C14orf132: variants seen among roughly 807,000 people sequenced by gnomAD.
The protein encoded by C14orf132 is chromosome 14 open reading frame 132.
In C14orf132, 6 loss-of-function variants were observed where a neutral mutation model predicts 5.8. That is an observed-to-expected ratio of 1.03 (90% CI 0.57 to 2.04). The LOEUF (loss-of-function observed/expected upper bound fraction) is 2.04, where lower values mean the gene tolerates loss of function less well. C14orf132 is among the 30% of genes most tolerant of loss of function. The pLI is 0.00. For synonymous variants in C14orf132, 51 were observed against 49.8 expected, an observed-to-expected ratio of 1.02 and a Z score of -0.10; for missense variants, 125 against 115.8, an observed-to-expected ratio of 1.08 and a Z score of -0.37.
At chr14:96,085,274 T>C (rs938755757) in intron 1 of C14orf132, among the ~76,000 whole-genome samples, 5 of 152,250 alleles carry the variant, frequency 3.3e-5, no homozygotes, top group Non-Finnish European at 5.9e-5. Flanking sequence ...GTGCATCCGA[T>C]GCAGGCCTCA....
chr14:96,048,712 G>A (rs761314566), intron 1 of C14orf132, among the ~76,000 whole-genome samples: 4 of 151,952 alleles, frequency 2.6e-5, no homozygotes, highest in Non-Finnish European at 5.9e-5. Context: ...TTTTAGTGGA[G>A]ATGGGGTTTT....
intron 1 of C14orf132, among the ~76,000 whole-genome samples, chr14:96,056,869 G>A (rs1887198961): frequency 6.6e-6 from 1 of 152,122 alleles, no homozygotes; most frequent in Non-Finnish European, 1.5e-5. Context: ...GCCTCCTTCT[G>A]TGATGTATGG....
At chr14:96,059,450 T>C (rs1166776067) in intron 1 of C14orf132, among the ~76,000 whole-genome samples, 1 of 152,110 alleles carries the variant, frequency 6.6e-6, no homozygotes, top group African/African-American at 2.4e-5. Flanking sequence ...TTCTCATCAT[T>C]CCCATTCTAC....
At chr14:96,078,282 C>A (rs1260217675) in intron 1 of C14orf132, among the ~76,000 whole-genome samples, 1 of 152,210 alleles carries the variant, frequency 6.6e-6, no homozygotes, top group East Asian at 1.9e-4. Flanking sequence ...GAGGCAGGAC[C>A]AGGAGAGAAA....
chr14:96,080,266 C>A (rs942132719), intron 1 of C14orf132, among the ~76,000 whole-genome samples: 2 of 152,184 alleles, frequency 1.3e-5, no homozygotes, highest in African/African-American at 4.8e-5. Flanking sequence ...GATCTCAGGT[C>A]TCCAGGCCCA....
intron 1 of C14orf132, among the ~76,000 whole-genome samples, chr14:96,082,191 C>A (rs979730787): frequency 9.2e-5 from 14 of 152,222 alleles, no homozygotes; most frequent in Non-Finnish European, 1.6e-4. Context: ...CACCCTTGCC[C>A]ACTGGCGTGA....
chr14:96,055,527 A>G (rs1887156914), intron 1 of C14orf132, among the ~76,000 whole-genome samples: 1 of 152,204 alleles, frequency 6.6e-6, no homozygotes, highest in Non-Finnish European at 1.5e-5. Context: ...ATTTATACGT[A>G]TCCTTCACAA....
At chr14:96,078,530 G>A (rs1365393329) in intron 1 of C14orf132, among the ~76,000 whole-genome samples, 2 of 152,204 alleles carry the variant, frequency 1.3e-5, no homozygotes, top group African/African-American at 4.8e-5. Context: ...GCCATTGCTT[G>A]TTGGAGCTTG....
intron 1 of C14orf132, among the ~76,000 whole-genome samples, chr14:96,057,985 C>T (rs1431145866): frequency 6.6e-6 from 1 of 152,242 alleles, no homozygotes; most frequent in African/African-American, 2.4e-5. Context: ...GCCTGCCTTG[C>T]TGTGTGCTGG....
chr14:96,071,258 A>G (rs1344339475), intron 1 of C14orf132, among the ~76,000 whole-genome samples: 13 of 152,096 alleles, frequency 8.5e-5, no homozygotes, highest in Admixed American at 2.6e-4. Context: ...GTGAGAACTC[A>G]CTCACTATCA....
rs1052745816 is a variant in C14orf132, at chr14:96,091,667, C to T, written c.*4932C>T. The T allele has an allele frequency of 6.5e-6, 1 of 153,278 alleles. No homozygotes were observed. Among genetic ancestry groups the T allele is most frequent in the Non-Finnish European group, 1.5e-5 (1 of 68,892 alleles). 9.5% of individuals were successfully genotyped at this position (153,278 alleles called of 1,614,324 possible). A position where few individuals can be genotyped will look rare whatever the true frequency, so the allele number is the denominator to read the frequency against. ...TGACAGGGAGGCCCAGGGAGTTCTG[C>T]TCAGGGAGCCAAAGGGAACAGCCAG... is the stretch of plus-strand genomic sequence containing the variant. On this transcript the variant is annotated 3_prime_UTR_variant, in exon 2 of 2. Coordinates refer to ENST00000555004, the MANE Select transcript of C14orf132 (RefSeq NM_001252507.3).
intron 1 of C14orf132, among the ~76,000 whole-genome samples, chr14:96,083,281 C>T (rs1888082762): frequency 6.6e-6 from 1 of 152,188 alleles, no homozygotes; most frequent in Admixed American, 6.5e-5. Context: ...TTCAAGAGTT[C>T]TCTGTCTAAT....
rs140074573 is a variant in C14orf132, at chr14:96,057,098, C to T, written c.27+17571C>T. 5.6e-3 allele frequency among the ~76,000 whole-genome samples: 858 copies of T among 152,312 alleles called. 2 individuals are homozygous for T. Among genetic ancestry groups the T allele is most frequent in the Middle Eastern group, 0.02 (6 of 294 alleles). ...CTGTGGTTTGAATGTTTGTCTCCTG[C>T]AAAACTCATGTTGAAACTTAATCCC... On this transcript the variant is annotated intron_variant, in intron 1 of 1. Coordinates refer to ENST00000555004, the MANE Select transcript of C14orf132 (RefSeq NM_001252507.3).
intron 1 of C14orf132, among the ~76,000 whole-genome samples, chr14:96,041,789 T>C (rs1418755397): frequency 1.3e-5 from 2 of 152,252 alleles, no homozygotes; most frequent in Admixed American, 1.3e-4. Context: ...GTCTAGTACC[T>C]GCCTTGTGAC....
At chr14:96,053,780 C>T (rs1375228153) in intron 1 of C14orf132, among the ~76,000 whole-genome samples, 1 of 152,150 alleles carries the variant, frequency 6.6e-6, no homozygotes, top group Non-Finnish European at 1.5e-5. Flanking sequence ...CTCCAGCAGC[C>T]CACTGTGGGA....
chr14:96,068,558 G>A (rs1887604187), intron 1 of C14orf132, among the ~76,000 whole-genome samples: 1 of 152,166 alleles, frequency 6.6e-6, no homozygotes, highest in South Asian at 2.1e-4. Flanking sequence ...GACCAAAGCT[G>A]GGACTCTTTG....
intron 1 of C14orf132, among the ~76,000 whole-genome samples, chr14:96,064,929 T>C (rs1023843232): frequency 6.6e-6 from 1 of 152,230 alleles, no homozygotes; most frequent in Non-Finnish European, 1.5e-5. Context: ...CCAGCTCTGT[T>C]GAACAGGCTT....
chr14:96,089,449 C>T lies in C14orf132; in HGVS notation c.*2714C>T, dbSNP rs951723839. ...TAGGATTTGAATCTGGGAAGTTGGG[C>T]TCTAGAGCCAGACTGTACTGCCTTC... On this transcript the variant is annotated 3_prime_UTR_variant, in exon 2 of 2. Coordinates refer to ENST00000555004, the MANE Select transcript of C14orf132 (RefSeq NM_001252507.3). The T allele has an allele frequency of 6.6e-6, 1 of 152,316 alleles. No individual in the cohort carries two copies. The highest frequency in any genetic ancestry group is 6.5e-5 in the Admixed American group (1 of 15,282). 9.4% of individuals were successfully genotyped at this position (152,316 alleles called of 1,614,324 possible).
intron 1 of C14orf132, among the ~76,000 whole-genome samples, chr14:96,063,468 C>T (rs1329972557): frequency 4.6e-5 from 7 of 152,166 alleles, no homozygotes; most frequent in East Asian, 1.9e-4. Context: ...GCCACCACGT[C>T]GGGCTAATTT....
Sources: allele counts gnomAD v4.1 joint callset (sites outside exome capture counted in the v4.1 genomes callset), GRCh38; gene constraint gnomAD v4.1.1; transcripts MANE v1.5; gene names NCBI Gene and HGNC (gene_info 2026-07-23, HGNC 2026-07-21).